ZNF391: variants seen among roughly 807,000 people sequenced by gnomAD.
ZNF391 encodes zinc finger protein 391.
For missense variants in ZNF391, 375 were observed against 425.5 expected, an observed-to-expected ratio of 0.88 and a Z score of 1.04; for synonymous variants, 126 against 142.1, an observed-to-expected ratio of 0.89 and a Z score of 0.80.
chr6:27,398,800 A>C (rs531177574), intron 1 of ZNF391, among the ~76,000 whole-genome samples: 2 of 152,248 alleles, frequency 1.3e-5, no homozygotes, highest in South Asian at 4.1e-4. Flanking sequence ...CGGAGCTTGC[A>C]GTGAGCCGAG....
chr6:27,389,206 G>A, intron 1 of ZNF391, 131 bp downstream of exon 1: 1 of 456,670 alleles, frequency 2.2e-6, no homozygotes, highest in South Asian at 1.5e-5. Flanking sequence ...CGCGTGGCGT[G>A]GGGTCATGAA....
intron 1 of ZNF391, among the ~76,000 whole-genome samples, chr6:27,375,664 G>A (rs1373628652): frequency 6.6e-6 from 1 of 152,136 alleles, no homozygotes; most frequent in African/African-American, 2.4e-5. Flanking sequence ...AATCAGCCCT[G>A]CTATTAACCA....
chr6:27,375,160 A>T (rs1761396343), intron 1 of ZNF391: 1 of 152,310 alleles, frequency 6.6e-6, no homozygotes, highest in Non-Finnish European at 1.5e-5. Context: ...ACTGACACTC[A>T]GCGCGCGGAG....
upstream of ZNF391, among the ~76,000 whole-genome samples, chr6:27,384,784 G>A (rs370558270): frequency 7.9e-5 from 12 of 152,182 alleles, no homozygotes; most frequent in East Asian, 1.9e-4. Flanking sequence ...TTGGGAGGCC[G>A]AGGCAGGCAG....
At chr6:27,384,330 G>C (rs1761550742), upstream of ZNF391, among the ~76,000 whole-genome samples, 1 of 151,726 alleles carries the variant, frequency 6.6e-6, no homozygotes. Context: ...CTGGTTTGGT[G>C]GTACATGCCT....
chr6:27,381,061 C>T (rs988617663), intron 1 of ZNF391, among the ~76,000 whole-genome samples: 11 of 152,268 alleles, frequency 7.2e-5, no homozygotes, highest in Admixed American at 1.3e-4. Flanking sequence ...CCGCGCCGTG[C>T]GCCCACACTC....
At chr6:27,388,640 A>C, upstream of ZNF391, 1 of 311,938 alleles carries the variant, frequency 3.2e-6, no homozygotes, top group Middle Eastern at 1.1e-3. Context: ...CCTCTCGCAT[A>C]CCAGGGGAGG....
chr6:27,379,188 G>T lies in ZNF391; in HGVS notation n.523+4051G>T, dbSNP rs540801667. On this transcript the variant is annotated intron_variant and non_coding_transcript_variant, in intron 1 of 2. Transcript: ENST00000477999. Reference sequence around the variant, plus strand: ...ATTTTATTTGTATTTTCCATTTATTGTCACTGTAAATTTTATTTGTATTTT... The same window carrying T: ...ATTTTATTTGTATTTTCCATTTATTTTCACTGTAAATTTTATTTGTATTTT... 8.5e-5 allele frequency among the ~76,000 whole-genome samples: 13 copies of T among 152,212 alleles called. No homozygotes were observed. The South Asian group carries it at 1.5e-3, about 17-fold the overall frequency.
chr6:27,382,061 G>C (rs1025126098), intron 1 of ZNF391, among the ~76,000 whole-genome samples: 3 of 147,706 alleles, frequency 2.0e-5, no homozygotes, highest in African/African-American at 7.5e-5. Context: ...GGCCGGCTGC[G>C]TTGGCTCACG....
At chr6:27,390,873 G>A (rs1761693221) in intron 1 of ZNF391, 2 of 152,196 alleles carry the variant, frequency 1.3e-5, no homozygotes, top group Admixed American at 1.3e-4. Flanking sequence ...ACAAGCACAT[G>A]CTAGTAATGG....
chr6:27,398,709 C>T (rs1989299), intron 1 of ZNF391, among the ~76,000 whole-genome samples: 107,855 of 151,544 alleles, frequency 0.71, 38,565 homozygotes, highest in Middle Eastern at 0.82. Context: ...ATACAAAAAA[C>T]TAGCCGGGGT....
chr6:27,402,604 G>C lies in ZNF391; in HGVS notation c.*1157G>C, dbSNP rs929336385. On this transcript the variant is annotated 3_prime_UTR_variant, in exon 3 of 3. Transcript: ENST00000244576. The stretch of plus-strand genomic sequence containing the variant: ...TTCTTGAAGACAGAAATCTTGGTTT[G>C]TTTGTTGTTTTATTTTTGAGAGAAG... The C allele has an allele frequency of 1.3e-5, 2 of 152,068 alleles. No homozygotes were observed. Among genetic ancestry groups the C allele is most frequent in the African/African-American group, 4.8e-5 (2 of 41,404 alleles). The allele number at this position is 152,068 out of a possible 1,614,324, so 9.4% of individuals were successfully genotyped here. A position where few individuals can be genotyped will look rare whatever the true frequency, so the allele number is the denominator to read the frequency against.
rs760906234 is a variant in ZNF391, at chr6:27,400,729, A to G, written c.359A>G (p.Tyr120Cys). ...KCNECEKAFS[Y>C]QSDLLVHSRI... ...AATGAATGTGAAAAAGCCTTTAGTT[A>G]CCAATCAGACCTTCTTGTACACAGT... is the stretch of plus-strand genomic sequence containing the variant. Residue 120 changes from tyrosine to cysteine, a missense_variant, in exon 3 of 3, where the codon TAC becomes TGC. Physicochemically the swap from Tyr to Cys is radical, Grantham distance 194. Transcript: ENST00000244576. 1.2e-6 allele frequency: 2 copies of G among 1,613,984 alleles called. No homozygotes were observed.
chr6:27,394,803 G>A (rs1030884633), intron 1 of ZNF391, among the ~76,000 whole-genome samples: 3 of 152,220 alleles, frequency 2.0e-5, no homozygotes, highest in African/African-American at 4.8e-5. Flanking sequence ...AAGGCCTTGG[G>A]AACCCACCCC....
Position 27,401,193 on chromosome 6 carries a change from A to G in ZNF391, c.823A>G (p.Asn275Asp). The G allele has an allele frequency of 6.2e-7, 1 of 1,614,210 alleles. No individual in the cohort carries two copies. The highest frequency in any genetic ancestry group is 8.5e-7 in the Non-Finnish European group (1 of 1,180,026). ...ACATCAGAGAACACACACTGGGGAGAACCCCTATGAGTGCAGTGAATGTGG... is the reference window on the plus strand; with the variant it reads ...ACATCAGAGAACACACACTGGGGAGGACCCCTATGAGTGCAGTGAATGTGG... ...TEHQRTHTGENPYECSECGKV... is the reference protein window; with the variant it reads ...TEHQRTHTGEDPYECSECGKV... The change falls in exon 3 of 3, where the codon AAC becomes GAC. Residue 275 changes from asparagine to aspartate, a missense_variant. By Grantham distance (23) the Asn-to-Asp change is conservative (BLOSUM62 1). Coordinates refer to ENST00000244576, the MANE Select transcript of ZNF391 (RefSeq NM_001076781.3).
chr6:27,384,133 G>A (rs1761546521), upstream of ZNF391, among the ~76,000 whole-genome samples: 1 of 152,098 alleles, frequency 6.6e-6, no homozygotes. Flanking sequence ...TAGGGAGAAG[G>A]ACAATAACAG....
At position 27,402,178 on chromosome 6, in the gene ZNF391, C is replaced by T. The variant is rs1237429664; in HGVS notation, c.*731C>T. On this transcript the variant is annotated 3_prime_UTR_variant, in exon 3 of 3. Coordinates refer to ENST00000244576, the MANE Select transcript of ZNF391 (RefSeq NM_001076781.3). The stretch of plus-strand genomic sequence containing the variant: ...AAGAATGTTCTAAAAATCTTGGAGA[C>T]GTTCCTCCATGATCTTGGGAAAAAA... 2.0e-5 allele frequency: 3 copies of T among 152,030 alleles called. No individual in the cohort carries two copies. Among genetic ancestry groups the T allele is most frequent in the Admixed American group, 6.6e-5 (1 of 15,256 alleles). 9.4% of individuals were successfully genotyped at this position (152,030 alleles called of 1,614,324 possible).
intron 1 of ZNF391, among the ~76,000 whole-genome samples, chr6:27,379,513 C>A (rs377200673): frequency 2.6e-4 from 40 of 152,218 alleles, no homozygotes; most frequent in Non-Finnish European, 4.7e-4. Context: ...CTTATCTTAC[C>A]TTTTAATCTA....
intron 1 of ZNF391, among the ~76,000 whole-genome samples, chr6:27,380,316 G>C (rs2393927): frequency 0.71 from 108,243 of 151,566 alleles, 38,900 homozygotes; most frequent in Middle Eastern, 0.81. Flanking sequence ...TCCTTCTAGT[G>C]GGTGCATAGC....
Sources: allele counts gnomAD v4.1 joint callset (sites outside exome capture counted in the v4.1 genomes callset), GRCh38; gene constraint gnomAD v4.1.1; transcripts MANE v1.5; gene names NCBI Gene and HGNC (gene_info 2026-07-23, HGNC 2026-07-21).